The following LRRC9 variants were observed in gnomAD, a reference collection of about 807,000 sequenced individuals.
The protein encoded by LRRC9 is leucine-rich repeat-containing protein 9.
In LRRC9, 122 loss-of-function variants were observed where a neutral mutation model predicts 63.2. The ratio of observed to expected loss-of-function variants is 1.93; its 90% CI spans 1.67 to 2.24. The LOEUF (loss-of-function observed/expected upper bound fraction) is 2.24. LRRC9 is among the 30% of genes most tolerant of loss of function. The probability of loss-of-function intolerance (pLI) is 0.00; values close to 1 mark genes in which losing one functional copy is unlikely to be tolerated. For synonymous variants in LRRC9, 366 were observed against 213.1 expected (o/e 1.72, Z -6.25); for missense variants, 1,071 against 627.7 (o/e 1.71, Z -7.55).
At chr14:60,040,027 T>TA (rs1892807623) in intron 29 of LRRC9, among the ~76,000 whole-genome samples, 1 of 152,002 alleles carries the variant, frequency 6.6e-6, no homozygotes, top group African/African-American at 2.4e-5. Context: ...ATGTACCCAG[T>TA]AGTCATTCAG....
At chr14:59,956,292 A>C (rs966684335) in intron 8 of LRRC9, among the ~76,000 whole-genome samples, 2 of 151,290 alleles carry the variant, frequency 1.3e-5, no homozygotes, top group Non-Finnish European at 3.0e-5. Context: ...TAGATCTCTA[A>C]GATCTTATTT....
chr14:60,054,200 C>T (rs1027745264), intron 30 of LRRC9, among the ~76,000 whole-genome samples: 4 of 152,204 alleles, frequency 2.6e-5, no homozygotes, highest in African/African-American at 4.8e-5. Context: ...ACTTTTGATA[C>T]TTGTAGGCTC....
intron 29 of LRRC9, among the ~76,000 whole-genome samples, chr14:60,033,805 G>A (rs1225330977): frequency 1.3e-5 from 2 of 151,694 alleles, no homozygotes; most frequent in Non-Finnish European, 2.9e-5. Flanking sequence ...TCCAATCTAT[G>A]GAGTTTTGAT....
chr14:60,063,771 C>A (rs1894800131), downstream of LRRC9, among the ~76,000 whole-genome samples: 2 of 152,166 alleles, frequency 1.3e-5, no homozygotes. Flanking sequence ...AGGAAATAGG[C>A]ATACTTTCAT....
intron 10 of LRRC9, among the ~76,000 whole-genome samples, chr14:59,963,585 A>G (rs1444940078): frequency 6.6e-6 from 1 of 152,130 alleles, no homozygotes; most frequent in Non-Finnish European, 1.5e-5. Context: ...TGGGGAAGAT[A>G]TGATGTTTTG....
chr14:60,000,681 T>G (rs1302375589), intron 19 of LRRC9, among the ~76,000 whole-genome samples: 3 of 152,116 alleles, frequency 2.0e-5, no homozygotes, highest in African/African-American at 7.2e-5. Context: ...GAAGAAAATA[T>G]GAAAGATTAT....
chr14:59,996,338 G>A (rs1330492291), intron 17 of LRRC9, among the ~76,000 whole-genome samples: 2 of 151,992 alleles, frequency 1.3e-5, no homozygotes, highest in Non-Finnish European at 2.9e-5. Context: ...CAGTAACTCT[G>A]TTCATTTTCA....
At chr14:60,025,679 CAAA>C (rs4033012) in intron 27 of LRRC9, among the ~76,000 whole-genome samples, 6,834 of 97,088 alleles carry the variant, frequency 0.07, 441 homozygotes, top group African/African-American at 0.2. Flanking sequence ...ATATATTTTA[CAAA>C]AAAAAAAAAA....
intron 4 of LRRC9, among the ~76,000 whole-genome samples, 164 bp downstream of exon 4, chr14:59,931,222 C>A (rs1889677327): frequency 1.3e-5 from 2 of 152,048 alleles, no homozygotes; most frequent in African/African-American, 4.8e-5. Context: ...TTATAAGGTA[C>A]AGAGGGCATT....
At position 59,955,140 on chromosome 14, in the gene LRRC9, G is replaced by C. The variant is rs1439498370; in HGVS notation, c.883-4678G>C. On this transcript the variant is annotated intron_variant, in intron 8 of 31. Coordinates refer to ENST00000445360, the Ensembl canonical transcript of LRRC9. ...GTGTCTCTGCCAGGTTTTGGTATCA[G>C]GATGATGCTGGCCTCATAAAATGAG... 4.6e-5 allele frequency among the ~76,000 whole-genome samples: 7 copies of C among 152,106 alleles called. No homozygotes were observed. The East Asian group carries it at 1.3e-3, about 29-fold the overall frequency.
intron 8 of LRRC9, among the ~76,000 whole-genome samples, chr14:59,950,718 G>GCTTGT (rs1883023157): frequency 7.9e-6 from 1 of 127,014 alleles, no homozygotes; most frequent in African/African-American, 3.1e-5. Context: ...GTCAGCATTT[G>GCTTGT]CTTGTCTGTA....
In LRRC9 at chr14:60,004,003, T is replaced by TGTA. The variant is rs1889607588; in HGVS notation, c.2842+205_2842+206insGTA. ...CCATTCTACAATGTATATATATACT[T>TGTA]CAAAACATCATGTTGTACAAGATAA... On this transcript the variant is annotated intron_variant, in intron 21 of 31. Transcript: ENST00000445360. The surrounding 1 kb of genome is among the most constrained non-coding windows in gnomAD (Gnocchi z 4.8). 6.6e-6 allele frequency among the ~76,000 whole-genome samples: 1 copy of TGTA among 152,172 alleles called. No homozygotes were observed.
rs1412330723 is a variant in LRRC9 at position 59,990,339 on chromosome 14, T to G, written c.2211+5115T>G. Among the ~76,000 whole-genome samples, 1 of 152,232 alleles carries G rather than the reference T, an allele frequency of 6.6e-6. No individual in the cohort carries two copies. Among genetic ancestry groups the G allele is most frequent in the Non-Finnish European group, 1.5e-5 (1 of 68,038 alleles). ...TGTCTTGAAGAGAGTCCTAGTGGAA[T>G]AGTTTTTAGATTCACAGGGGCTCGA... On this transcript the variant is annotated intron_variant, in intron 17 of 31. Transcript: ENST00000445360. The surrounding 1 kb of genome is among the most constrained non-coding windows in gnomAD (Gnocchi z 4.2).
rs1888832248 is a variant in LRRC9 at position 59,922,090 on chromosome 14, A to AAAT, written c.-34+2209_-34+2210insTAA. On this transcript the variant is annotated intron_variant, in intron 1 of 31. Transcript: ENST00000445360. This position sits in a 1 kb window ranked among gnomAD's most constrained non-coding sequence, Gnocchi z 5.3. ...CAAAGTGAGATTCTGTCTCAAAAAA[A>AAAT]AAATAAATAAATAAATAAGAAAGAA... 2.0e-5 allele frequency among the ~76,000 whole-genome samples: 3 copies of AAAT among 152,002 alleles called. No homozygotes were observed.
intron 29 of LRRC9, among the ~76,000 whole-genome samples, chr14:60,040,412 TC>T (rs1892846589): frequency 6.6e-6 from 1 of 151,912 alleles, no homozygotes; most frequent in Admixed American, 6.5e-5. Flanking sequence ...TTTGTACATC[TC>T]TAAGGACTTG....
chr14:60,015,609 C>T (rs1306993241), intron 23 of LRRC9, among the ~76,000 whole-genome samples: 1 of 152,126 alleles, frequency 6.6e-6, no homozygotes, highest in Non-Finnish European at 1.5e-5. Flanking sequence ...AAGGAAGGAA[C>T]TCCTTGTTAC....
At chr14:60,040,415 A>G (rs916597581) in intron 29 of LRRC9, among the ~76,000 whole-genome samples, 3 of 151,856 alleles carry the variant, frequency 2.0e-5, no homozygotes, top group Admixed American at 6.5e-5. Context: ...GTACATCTCT[A>G]AGGACTTGCT....
At position 59,927,131 on chromosome 14, in the gene LRRC9, A is replaced by T. The variant is rs926266959; in HGVS notation, c.-33-780A>T. ...TATTTTCTCCTGACAATAATTATACATATACATGCATTTACATATATACAC... is the reference window on the plus strand; with the variant it reads ...TATTTTCTCCTGACAATAATTATACTTATACATGCATTTACATATATACAC... On this transcript the variant is annotated intron_variant, in intron 1 of 31. Coordinates refer to ENST00000445360, the Ensembl canonical transcript of LRRC9. The surrounding 1 kb of genome is among the most constrained non-coding windows in gnomAD (Gnocchi z 4.4). Among the ~76,000 whole-genome samples, 2 of 152,094 alleles carry T rather than the reference A, an allele frequency of 1.3e-5. No homozygotes were observed. The highest frequency in any genetic ancestry group is 2.9e-5 in the Non-Finnish European group (2 of 67,948).
intron 13 of LRRC9, among the ~76,000 whole-genome samples, chr14:59,976,323 G>C (rs1489903248): frequency 6.6e-6 from 1 of 152,172 alleles, no homozygotes; most frequent in African/African-American, 2.4e-5. Flanking sequence ...GGGGAAAATT[G>C]TCTTCCATGA....
Sources: gnomAD v4.1 joint callset for allele counts (sites outside exome capture counted in the v4.1 genomes callset) on GRCh38, gnomAD v4.1.1 for gene constraint, Gnocchi (gnomAD v3.1) non-coding constraint, MANE v1.5 for transcripts, NCBI Gene and HGNC (gene_info 2026-07-23, HGNC 2026-07-21) for gene names.